The following CCDC178 variants were observed in gnomAD, a reference collection of about 807,000 sequenced individuals.
CCDC178 encodes the protein coiled-coil domain containing 178, also known as coiled-coil domain-containing protein 178.
Under a neutral mutation model 117.4 loss-of-function variants are expected in CCDC178, and 126 were observed. That is an observed-to-expected ratio of 1.07 (90% CI 0.93 to 1.24). The LOEUF is 1.24. CCDC178 is among the 50% of genes most tolerant of loss of function. The pLI is 0.00. For synonymous variants in CCDC178, 283 were observed against 313.4 expected (o/e 0.90, Z 1.02); for missense variants, 1,030 against 986.9 (o/e 1.04, Z -0.59).
chr18:32,942,631 A>G (rs1280644149), intron 22 of CCDC178, among the ~76,000 whole-genome samples: 4 of 152,176 alleles, frequency 2.6e-5, no homozygotes, highest in African/African-American at 9.7e-5. Context: ...TGATTAAAAA[A>G]GCACATGGTG....
At chr18:33,061,272 T>C (rs1411187644) in intron 21 of CCDC178, among the ~76,000 whole-genome samples, 2 of 152,048 alleles carry the variant, frequency 1.3e-5, no homozygotes, top group Admixed American at 6.5e-5. Context: ...AATATGCAAA[T>C]GTATCAGTTT....
intron 10 of CCDC178, among the ~76,000 whole-genome samples, chr18:33,331,339 G>T (rs546841412): frequency 2.6e-5 from 4 of 152,136 alleles, no homozygotes; most frequent in Admixed American, 6.5e-5. Context: ...TCCTCTCACA[G>T]AAATATATCT....
chr18:33,228,616 T>A (rs1266464940), intron 15 of CCDC178, among the ~76,000 whole-genome samples: 1 of 152,240 alleles, frequency 6.6e-6, no homozygotes, highest in Non-Finnish European at 1.5e-5. Context: ...GCAAAACATC[T>A]GGAGCTTCTG....
intron 15 of CCDC178, among the ~76,000 whole-genome samples, chr18:33,235,873 C>T (rs1273857755): frequency 3.3e-5 from 5 of 152,166 alleles, no homozygotes; most frequent in African/African-American, 1.2e-4. Context: ...TATTCCCTAT[C>T]CCAATTGGCT....
chr18:33,340,858 A>T (rs537866667), intron 9 of CCDC178, among the ~76,000 whole-genome samples: 1 of 152,304 alleles, frequency 6.6e-6, no homozygotes, highest in Non-Finnish European at 1.5e-5. Flanking sequence ...GGCCCTCATA[A>T]AGAATCTCTG....
intron 21 of CCDC178, among the ~76,000 whole-genome samples, chr18:32,987,501 T>C (rs944271210): frequency 2.6e-5 from 4 of 151,958 alleles, no homozygotes; most frequent in Non-Finnish European, 4.4e-5. Flanking sequence ...ATAAACTTGA[T>C]CTAGCATATA....
chr18:32,999,002 C>T (rs974886087), intron 21 of CCDC178, among the ~76,000 whole-genome samples: 1 of 152,040 alleles, frequency 6.6e-6, no homozygotes, highest in South Asian at 2.1e-4. Context: ...AGCATCTTGG[C>T]CACAGTAGAG....
intron 14 of CCDC178, among the ~76,000 whole-genome samples, chr18:33,264,276 T>C (rs2059787213): frequency 6.6e-6 from 1 of 152,056 alleles, no homozygotes; most frequent in Admixed American, 6.6e-5. Flanking sequence ...GATAGATATA[T>C]ATAGTTACCA....
chr18:33,074,341 A>G (rs1055035668), intron 21 of CCDC178, among the ~76,000 whole-genome samples: 1 of 152,140 alleles, frequency 6.6e-6, no homozygotes, highest in Non-Finnish European at 1.5e-5. Context: ...CCCTGTTCCA[A>G]TCACTGCTTC....
chr18:32,965,249 G>C (rs562260033), intron 22 of CCDC178, among the ~76,000 whole-genome samples: 7 of 151,910 alleles, frequency 4.6e-5, no homozygotes, highest in Non-Finnish European at 7.4e-5. Flanking sequence ...CATCCTTCTA[G>C]ACCTATTTCT....
intron 21 of CCDC178, among the ~76,000 whole-genome samples, chr18:32,995,914 T>TCTATATCTATAC (rs2055494285): frequency 6.7e-6 from 1 of 149,570 alleles, no homozygotes; most frequent in South Asian, 2.1e-4. Flanking sequence ...TTTATCTATA[T>TCTATATCTATAC]CTATATCTAT....
At chr18:33,201,600 C>T (rs1002051618) in intron 20 of CCDC178, among the ~76,000 whole-genome samples, 1 of 152,082 alleles carries the variant, frequency 6.6e-6, no homozygotes, top group Non-Finnish European at 1.5e-5. Flanking sequence ...AGTTGGCTGG[C>T]TCTGATGTCT....
chr18:33,226,025 G>A (rs1183928345), intron 16 of CCDC178, among the ~76,000 whole-genome samples: 1 of 152,154 alleles, frequency 6.6e-6, no homozygotes, highest in Non-Finnish European at 1.5e-5. Context: ...GCTGGGCATG[G>A]TGGTGCATGC....
chr18:33,269,246 T>C (rs1006060478), intron 12 of CCDC178, among the ~76,000 whole-genome samples: 14 of 151,774 alleles, frequency 9.2e-5, no homozygotes, highest in Admixed American at 6.6e-5. Context: ...CCACCTGAGA[T>C]TGTGGCTAAA....
intron 21 of CCDC178, among the ~76,000 whole-genome samples, chr18:33,049,996 G>C (rs1463477648): frequency 2.6e-5 from 4 of 152,028 alleles, no homozygotes; most frequent in Non-Finnish European, 2.9e-5. Flanking sequence ...CAGGAGAATC[G>C]CTTGAACCCG....
intron 19 of CCDC178, 132 bp downstream of exon 19, chr18:33,215,418 C>CAT (rs985442655): frequency 5.3e-6 from 3 of 568,752 alleles, no homozygotes; most frequent in Non-Finnish European, 8.2e-6. Context: ...TCAAATAACA[C>CAT]ATATATATTC....
At chr18:33,251,026 CT>C (rs1210741210) in intron 14 of CCDC178, among the ~76,000 whole-genome samples, 1 of 151,588 alleles carries the variant, frequency 6.6e-6, no homozygotes, top group East Asian at 1.9e-4. Flanking sequence ...AAAATTGACA[CT>C]GGATCCAGAA....
chr18:33,384,397 A>G (rs2063471628), intron 5 of CCDC178, among the ~76,000 whole-genome samples: 2 of 152,158 alleles, frequency 1.3e-5, no homozygotes, highest in Admixed American at 1.3e-4. Context: ...ATTTATCCCC[A>G]AGACACATAA....
chr18:33,246,616 T>A (rs1245591342), intron 14 of CCDC178, among the ~76,000 whole-genome samples: 1 of 151,444 alleles, frequency 6.6e-6, no homozygotes, highest in Admixed American at 6.6e-5. Context: ...CAAGGTAGAA[T>A]AGAAATGGGG....
Sources: allele counts gnomAD v4.1 joint callset (sites outside exome capture counted in the v4.1 genomes callset), GRCh38; gene constraint gnomAD v4.1.1; transcripts MANE v1.5; gene names NCBI Gene and HGNC (gene_info 2026-07-23, HGNC 2026-07-21).